BTBD9: variants seen among roughly 807,000 people sequenced by gnomAD.
The protein encoded by BTBD9 is BTB domain containing 9.
Under a neutral mutation model 64.3 loss-of-function variants are expected in BTBD9, and 49 were observed. The ratio of observed to expected loss-of-function variants is 0.76; its 90% CI spans 0.61 to 0.97. BTBD9 has a LOEUF of 0.97. Ranked by LOEUF, BTBD9 falls within the 50% of genes least tolerant of loss-of-function variation. BTBD9 has a pLI of 0.00. For synonymous variants in BTBD9, 260 were observed against 274.7 expected, an observed-to-expected ratio of 0.95 and a Z score of 0.53; for missense variants, 598 against 762.1, an observed-to-expected ratio of 0.78 and a Z score of 2.53.
At chr6:38,345,674 T>C (rs979016437) in intron 6 of BTBD9, among the ~76,000 whole-genome samples, 1 of 152,244 alleles carries the variant, frequency 6.6e-6, no homozygotes, top group African/African-American at 2.4e-5. Context: ...AGCCCCCCAC[T>C]TGACTGCTGG....
chr6:38,177,119 C>A (rs1480930725), intron 10 of BTBD9, among the ~76,000 whole-genome samples: 2 of 152,220 alleles, frequency 1.3e-5, no homozygotes, highest in Non-Finnish European at 1.5e-5. Context: ...CCACCATGTT[C>A]TTTAATTGGT....
At chr6:38,611,001 G>A (rs1777601676) in intron 1 of BTBD9, among the ~76,000 whole-genome samples, 2 of 152,024 alleles carry the variant, frequency 1.3e-5, no homozygotes, top group Admixed American at 1.3e-4. Context: ...CAATAAGAAT[G>A]GAATAGATCT....
At chr6:38,451,897 ACT>A (rs1769573121) in intron 6 of BTBD9, among the ~76,000 whole-genome samples, 1 of 152,004 alleles carries the variant, frequency 6.6e-6, no homozygotes, top group South Asian at 2.1e-4. Flanking sequence ...AGGAGAGAAG[ACT>A]CTGATATATT....
chr6:38,638,178 C>T (rs1778593696), intron 1 of BTBD9, among the ~76,000 whole-genome samples: 1 of 152,200 alleles, frequency 6.6e-6, no homozygotes, highest in African/African-American at 2.4e-5. Flanking sequence ...CCTACACATC[C>T]TATCTTTTCT....
chr6:38,401,666 TATGAATTATTCACAA>T (rs1766932828), intron 6 of BTBD9, among the ~76,000 whole-genome samples: 1 of 152,222 alleles, frequency 6.6e-6, no homozygotes, highest in African/African-American at 2.4e-5. Context: ...ATAGAGCTAT[TATGAATTATTCACAA>T]AAAGGCAGTA....
At chr6:38,403,677 CA>C (rs1340756643) in intron 6 of BTBD9, among the ~76,000 whole-genome samples, 1 of 152,114 alleles carries the variant, frequency 6.6e-6, no homozygotes, top group Admixed American at 6.6e-5. Flanking sequence ...GGCAGATCGT[CA>C]AAAAGTTAAA....
chr6:38,599,110 C>G (rs1015887988), intron 1 of BTBD9, among the ~76,000 whole-genome samples: 12 of 152,144 alleles, frequency 7.9e-5, no homozygotes, highest in African/African-American at 2.9e-4. Flanking sequence ...ACCAGAACAT[C>G]ATTACATTTT....
At chr6:38,576,951 A>G (rs1403295338) in intron 6 of BTBD9, among the ~76,000 whole-genome samples, 1 of 152,164 alleles carries the variant, frequency 6.6e-6, no homozygotes, top group African/African-American at 2.4e-5. Flanking sequence ...GCTTTTTGAT[A>G]CTTTTAAAAG....
rs1227035652 is a variant in BTBD9 at position 38,172,636 on chromosome 6, CA to C, written c.*2348del. The C allele has an allele frequency of 5.9e-5, 9 of 152,312 alleles. No homozygotes were observed. The highest frequency in any genetic ancestry group is 1.9e-4 in the African/African-American group (8 of 41,466). 9.4% of individuals were successfully genotyped at this position (152,312 alleles called of 1,614,324 possible). ...CGGCTGTGAGGGAATGAGACTTTGC[CA>C]TCAGTCCTCACCAATGACATCTACT... is the stretch of plus-strand genomic sequence containing the variant. On this transcript the variant is annotated 3_prime_UTR_variant, in exon 11 of 11. Transcript: ENST00000481247.
intron 6 of BTBD9, among the ~76,000 whole-genome samples, chr6:38,353,804 A>G (rs1386639124): frequency 1.3e-5 from 2 of 152,200 alleles, no homozygotes; most frequent in Non-Finnish European, 2.9e-5. Context: ...ACTAGAGAAA[A>G]AGCAGAACAA....
At chr6:38,287,109 T>TAC (rs70981534) in intron 8 of BTBD9, among the ~76,000 whole-genome samples, 11,457 of 87,276 alleles carry the variant, frequency 0.13, 768 homozygotes, top group South Asian at 0.16. Context: ...AAAAAAAATA[T>TAC]ACACACACAC....
At chr6:38,609,419 A>T (rs1348329697) in intron 1 of BTBD9, among the ~76,000 whole-genome samples, 1 of 152,204 alleles carries the variant, frequency 6.6e-6, no homozygotes, top group Non-Finnish European at 1.5e-5. Flanking sequence ...GACTTTTCCT[A>T]TAAAACTATC....
intron 6 of BTBD9, among the ~76,000 whole-genome samples, chr6:38,428,477 G>C (rs1239310319): frequency 6.8e-6 from 1 of 147,322 alleles, no homozygotes. Context: ...CTGCAGCCTC[G>C]AACTCCTGGG....
intron 9 of BTBD9, among the ~76,000 whole-genome samples, chr6:38,251,675 G>A (rs1024452061): frequency 6.6e-6 from 1 of 152,120 alleles, no homozygotes; most frequent in Non-Finnish European, 1.5e-5. Flanking sequence ...TGGATCACCT[G>A]TGGTCAAGAG....
chr6:38,273,160 G>A (rs1373192911), intron 8 of BTBD9, among the ~76,000 whole-genome samples: 1 of 152,182 alleles, frequency 6.6e-6, no homozygotes. Flanking sequence ...AAGCCAGGAG[G>A]CCTTCTCTGT....
intron 6 of BTBD9, among the ~76,000 whole-genome samples, chr6:38,462,952 C>T (rs1452819503): frequency 6.6e-6 from 1 of 152,168 alleles, no homozygotes; most frequent in African/African-American, 2.4e-5. Flanking sequence ...GCACATGTCA[C>T]CATACCTGGC....
intron 1 of BTBD9, among the ~76,000 whole-genome samples, chr6:38,614,043 C>A (rs1044422933): frequency 6.6e-6 from 1 of 152,162 alleles, no homozygotes; most frequent in Non-Finnish European, 1.5e-5. Context: ...ACCTTGTTCA[C>A]CAGTTAGTGA....
At chr6:38,495,068 A>G (rs1771890810) in intron 6 of BTBD9, among the ~76,000 whole-genome samples, 1 of 152,222 alleles carries the variant, frequency 6.6e-6, no homozygotes, top group Admixed American at 6.5e-5. Context: ...AAGAATAGAA[A>G]AGTTTAAGCA....
At chr6:38,264,814 T>C (rs1013209008) in intron 8 of BTBD9, among the ~76,000 whole-genome samples, 1 of 152,032 alleles carries the variant, frequency 6.6e-6, no homozygotes, top group Non-Finnish European at 1.5e-5. Context: ...GTGTGTGAAG[T>C]AGACCAGGCG....
Sources: allele counts gnomAD v4.1 joint callset (sites outside exome capture counted in the v4.1 genomes callset), GRCh38; gene constraint gnomAD v4.1.1; transcripts MANE v1.5; gene names NCBI Gene and HGNC (gene_info 2026-07-23, HGNC 2026-07-21).